The following TENM2 variants were observed in gnomAD, a reference collection of about 807,000 sequenced individuals.
TENM2 encodes the protein teneurin-2.
Under a neutral mutation model 245.2 loss-of-function variants are expected in TENM2, and 52 were observed. That is an observed-to-expected ratio of 0.21 (90% CI 0.17 to 0.27). TENM2 has a LOEUF of 0.27. TENM2 is among the 10% of genes least tolerant of loss of function. The pLI is 1.00. For missense variants in TENM2, 3,046 were observed against 3,666.8 expected (o/e 0.83, Z 4.37); for synonymous variants, 1,363 against 1,438.9 (o/e 0.95, Z 1.19).
At chr5:167,842,331 G>A (rs1400441839) in intron 2 of TENM2, among the ~76,000 whole-genome samples, 1 of 152,128 alleles carries the variant, frequency 6.6e-6, no homozygotes, top group Non-Finnish European at 1.5e-5. Flanking sequence ...GCTCATGCCT[G>A]TAATCCCAGC....
At chr5:168,142,661 G>A (rs993093506) in intron 12 of TENM2, among the ~76,000 whole-genome samples, 1 of 152,198 alleles carries the variant, frequency 6.6e-6, no homozygotes, top group African/African-American at 2.4e-5. Flanking sequence ...ACACATGGCT[G>A]GGGGCATTGC....
chr5:168,023,055 G>A (rs1195310284), intron 5 of TENM2, among the ~76,000 whole-genome samples: 1 of 152,208 alleles, frequency 6.6e-6, no homozygotes, highest in Non-Finnish European at 1.5e-5. Context: ...ACTTGGATTA[G>A]CCCAACAGCT....
chr5:168,157,080 C>T (rs909129558), intron 12 of TENM2, among the ~76,000 whole-genome samples: 6 of 152,038 alleles, frequency 3.9e-5, no homozygotes, highest in Admixed American at 6.5e-5. Context: ...TGTGATACAG[C>T]GGGGCGGGTA....
rs183955670 is a variant in TENM2 at position 167,831,805 on chromosome 5, G to A, written c.503-44181G>A. On this transcript the variant is annotated intron_variant, in intron 2 of 28. Transcript: ENST00000518659. The stretch of plus-strand genomic sequence containing the variant: ...GAAACAACAACAACAACAACAATTT[G>A]CTGCATAAGGATGAAATGAGTGAGT... Among the ~76,000 whole-genome samples, 24 of 152,204 alleles carry A rather than the reference G, an allele frequency of 1.6e-4. No homozygotes were observed. In the East Asian group the frequency reaches 4.5e-3, roughly 28 times the overall value.
Position 167,779,245 on chromosome 5 carries a change from A to G in TENM2, c.503-96741A>G, listed in dbSNP as rs911227400. The stretch of plus-strand genomic sequence containing the variant: ...GTGAAGACCTTTCCCAACAGCCACA[A>G]AGGTATTTTAGGCCTAGTGTGTTGG... On this transcript the variant is annotated intron_variant, in intron 2 of 28. Coordinates refer to ENST00000518659, the Ensembl canonical transcript of TENM2. 3.3e-5 allele frequency among the ~76,000 whole-genome samples: 5 copies of G among 152,172 alleles called. No individual in the cohort carries two copies. In the East Asian group the frequency reaches 7.7e-4, roughly 23 times the overall value.
chr5:167,412,294 C>T (rs79605586), intron 2 of TENM2, among the ~76,000 whole-genome samples: 4,220 of 146,206 alleles, frequency 0.029, 197 homozygotes, highest in African/African-American at 0.097. Flanking sequence ...GCATTATAGC[C>T]TGAGGAGAAA....
chr5:168,208,186 G>A (rs1350939853), intron 19 of TENM2, among the ~76,000 whole-genome samples: 1 of 152,174 alleles, frequency 6.6e-6, no homozygotes. Context: ...AATTATACGG[G>A]ATGGGACGGT....
At chr5:167,052,493 T>C in the TENM2 span, among the ~76,000 whole-genome samples, 3 of 152,170 alleles carry the variant, frequency 2.0e-5, no homozygotes, top group African/African-American at 7.2e-5. Flanking sequence ...TACTTTATTT[T>C]AAACGGTCCT....
At chr5:167,769,890 C>G (rs1338588474) in intron 2 of TENM2, among the ~76,000 whole-genome samples, 1 of 151,984 alleles carries the variant, frequency 6.6e-6, no homozygotes, top group Non-Finnish European at 1.5e-5. Flanking sequence ...TGGTGTGGGT[C>G]TAAACCTGAA....
intron 2 of TENM2, among the ~76,000 whole-genome samples, chr5:167,435,926 G>C (rs112744375): frequency 1.3e-5 from 2 of 149,906 alleles, no homozygotes; most frequent in East Asian, 4.2e-4. Flanking sequence ...GAACTTGAGA[G>C]AGATGAGTCA....
intron 1 of TENM2, among the ~76,000 whole-genome samples, chr5:167,353,267 T>C (rs928811142): frequency 4.8e-5 from 7 of 146,080 alleles, no homozygotes; most frequent in Non-Finnish European, 5.9e-5. Flanking sequence ...AAGGGATAAA[T>C]GGTGCTGAAC....
chr5:167,288,055 T>C (rs1754396399), intron 1 of TENM2, among the ~76,000 whole-genome samples: 2 of 152,072 alleles, frequency 1.3e-5, no homozygotes, highest in African/African-American at 2.4e-5. Flanking sequence ...TTGTACAAGC[T>C]TGTCTTTTTT....
chr5:167,026,065 A>G, the TENM2 span, among the ~76,000 whole-genome samples: 1 of 152,188 alleles, frequency 6.6e-6, no homozygotes, highest in Middle Eastern at 3.2e-3. Context: ...TAAACAAGAT[A>G]ATATGCATCT....
chr5:167,139,397 T>C, the TENM2 span, among the ~76,000 whole-genome samples: 1 of 152,252 alleles, frequency 6.6e-6, no homozygotes, highest in Non-Finnish European at 1.5e-5. Flanking sequence ...AAATCTGTTG[T>C]TTTGTGATCT....
chr5:167,864,350 C>T (rs1772115388), intron 2 of TENM2, among the ~76,000 whole-genome samples: 1 of 152,200 alleles, frequency 6.6e-6, no homozygotes, highest in South Asian at 2.1e-4. Flanking sequence ...ATTTAATCCT[C>T]AGAAAGTCCT....
intron 1 of TENM2, among the ~76,000 whole-genome samples, chr5:167,347,065 C>T (rs1581798572): frequency 6.6e-6 from 1 of 151,942 alleles, no homozygotes; most frequent in East Asian, 1.9e-4. Context: ...TGAGCCATCA[C>T]CAAGCTCCAG....
At chr5:167,867,438 A>C (rs1367272766) in intron 2 of TENM2, among the ~76,000 whole-genome samples, 1 of 152,188 alleles carries the variant, frequency 6.6e-6, no homozygotes, top group Non-Finnish European at 1.5e-5. Context: ...TCCTCCTGCA[A>C]GAGGCCCTTT....
At chr5:167,933,771 T>G (rs1172422877) in intron 3 of TENM2, among the ~76,000 whole-genome samples, 2 of 152,176 alleles carry the variant, frequency 1.3e-5, no homozygotes, top group African/African-American at 2.4e-5. Flanking sequence ...GCAAGGTACT[T>G]AAGCTCTCTA....
intron 2 of TENM2, among the ~76,000 whole-genome samples, chr5:167,513,297 T>A (rs1414744961): frequency 1.3e-5 from 2 of 152,180 alleles, no homozygotes; most frequent in African/African-American, 4.8e-5. Context: ...GGCACTAAAA[T>A]ATGTTTTATT....
Sources: gnomAD v4.1 joint callset for allele counts (sites outside exome capture counted in the v4.1 genomes callset) on GRCh38, gnomAD v4.1.1 for gene constraint, MANE v1.5 for transcripts, NCBI Gene and HGNC (gene_info 2026-07-23, HGNC 2026-07-21) for gene names.